ANGPT2: variants seen among roughly 807,000 people sequenced by gnomAD.
ANGPT2 encodes angiopoietin-2.
Under a neutral mutation model 62.9 loss-of-function variants are expected in ANGPT2, and 28 were observed. The observed-to-expected ratio is 0.44, with a 90% CI of 0.33 to 0.61. ANGPT2 has a LOEUF of 0.61. Ranked by LOEUF, ANGPT2 falls within the 20% of genes least tolerant of loss-of-function variation. The pLI is 0.03. For synonymous variants in ANGPT2, 284 were observed against 207.8 expected, an observed-to-expected ratio of 1.37 and a Z score of -3.15; for missense variants, 727 against 594.9, an observed-to-expected ratio of 1.22 and a Z score of -2.31.
intron 1 of ANGPT2, among the ~76,000 whole-genome samples, chr8:6,536,972 GA>G (rs58686747): frequency 0.025 from 2,595 of 102,240 alleles, 61 homozygotes; most frequent in African/African-American, 0.08. Context: ...CTTAGTACAA[GA>G]AAAAAAAAAA....
rs1480832326 is a variant in ANGPT2, at chr8:6,505,391, G to GTA, written c.1328-2132_1328-2131dup. ...TAGAATATATATATTCTTTCTATAT[G>GTA]TATATAGAATATATATATTCTTTAT... is the stretch of plus-strand genomic sequence containing the variant. On this transcript the variant is annotated intron_variant, in intron 8 of 8. Transcript: ENST00000629816. Among the ~76,000 whole-genome samples, 207 of 48,916 alleles carry GTA rather than the reference G, an allele frequency of 4.2e-3. 47 individuals are homozygous for GTA. The highest frequency in any genetic ancestry group is 9.1e-3 in the Non-Finnish European group (199 of 21,910). The allele number at this position is 48,916 out of a possible 152,430, so 32.1% of individuals were successfully genotyped here.
chr8:6,539,917 C>G (rs1225249924), intron 1 of ANGPT2, among the ~76,000 whole-genome samples: 1 of 152,208 alleles, frequency 6.6e-6, no homozygotes, highest in Non-Finnish European at 1.5e-5. Flanking sequence ...CTATCTGATA[C>G]TGTATCTAGA....
At chr8:6,558,843 G>A (rs1825064887) in intron 1 of ANGPT2, among the ~76,000 whole-genome samples, 1 of 151,898 alleles carries the variant, frequency 6.6e-6, no homozygotes, top group South Asian at 2.1e-4. Context: ...TCCATATAGA[G>A]TAAACATGTA....
rs140013412 is a variant in ANGPT2, at chr8:6,499,839, G to C, written c.*3262C>G. On this transcript the variant is annotated 3_prime_UTR_variant, in exon 9 of 9. Coordinates refer to ENST00000629816, the MANE Select transcript of ANGPT2 (RefSeq NM_001118887.2). Reference sequence around the variant, plus strand: ...TAAATGTATAATAAATCTGCTTGTTGTGTCACTTGCAGGTGCTATGGTCTT... The same window carrying C: ...TAAATGTATAATAAATCTGCTTGTTCTGTCACTTGCAGGTGCTATGGTCTT... 4.3e-6 allele frequency: 7 copies of C among 1,611,756 alleles called. No individual in the cohort carries two copies. The African/African-American group carries it at 8.0e-5, about 18-fold the overall frequency.
intron 1 of ANGPT2, 126 bp downstream of exon 1, chr8:6,562,521 C>G (rs1203721464): frequency 4.9e-6 from 4 of 822,868 alleles, no homozygotes; most frequent in Admixed American, 7.1e-5. Flanking sequence ...CAGCAACCCG[C>G]TCTCCAGCTC....
At chr8:6,523,913 T>TA (rs1358167704) in intron 3 of ANGPT2, among the ~76,000 whole-genome samples, 1 of 149,842 alleles carries the variant, frequency 6.7e-6, no homozygotes, top group Non-Finnish European at 1.5e-5. Flanking sequence ...TTTAATAAGA[T>TA]ACAAGAGGAA....
chr8:6,522,485 C>T (rs1190068200), intron 3 of ANGPT2, among the ~76,000 whole-genome samples: 1 of 151,468 alleles, frequency 6.6e-6, no homozygotes, highest in Non-Finnish European at 1.5e-5. Flanking sequence ...AACTTAGGGA[C>T]ATTGAGGGCC....
chr8:6,548,187 G>A (rs191224997), intron 1 of ANGPT2, among the ~76,000 whole-genome samples: 78 of 152,160 alleles, frequency 5.1e-4, no homozygotes, highest in African/African-American at 1.8e-3. Flanking sequence ...GGCTTGAGGC[G>A]GCACGCTTTG....
At chr8:6,507,281 G>A (rs1431001644) in intron 8 of ANGPT2, among the ~76,000 whole-genome samples, 2 of 152,138 alleles carry the variant, frequency 1.3e-5, no homozygotes, top group Non-Finnish European at 2.9e-5. Flanking sequence ...TATAAAACAT[G>A]TTGACCATAG....
intron 1 of ANGPT2, among the ~76,000 whole-genome samples, chr8:6,546,149 G>C (rs1235268733): frequency 6.6e-6 from 1 of 152,238 alleles, no homozygotes; most frequent in African/African-American, 2.4e-5. Context: ...TGCTATGCTA[G>C]TGTGAAAATT....
chr8:6,507,905 C>G (rs1384994823), intron 8 of ANGPT2: 5 of 152,094 alleles, frequency 3.3e-5, no homozygotes, highest in Non-Finnish European at 4.4e-5. Flanking sequence ...TTTTCTAAAA[C>G]TTTATTCCTA....
intron 5 of ANGPT2, among the ~76,000 whole-genome samples, chr8:6,516,295 A>G (rs1816255328): frequency 1.3e-5 from 2 of 152,204 alleles, no homozygotes; most frequent in Non-Finnish European, 1.5e-5. Context: ...TGTGTATATT[A>G]TCTATAATCT....
chr8:6,533,569 CTTTTTTTTTT>C (rs56882906), intron 1 of ANGPT2, among the ~76,000 whole-genome samples: 22 of 113,346 alleles, frequency 1.9e-4, no homozygotes, highest in East Asian at 8.2e-4. Context: ...CGTTTAGTTT[CTTTTTTTTTT>C]TTTTTTTTTT....
intron 3 of ANGPT2, among the ~76,000 whole-genome samples, chr8:6,524,329 A>G (rs751797565): frequency 6.6e-6 from 1 of 152,238 alleles, no homozygotes; most frequent in Non-Finnish European, 1.5e-5. Flanking sequence ...GTCACATTAG[A>G]AGCTGGTGAA....
At chr8:6,536,444 G>A (rs2442600) in intron 1 of ANGPT2, among the ~76,000 whole-genome samples, 54,354 of 151,866 alleles carry the variant, frequency 0.36, 10,045 homozygotes, top group Non-Finnish European at 0.4. Flanking sequence ...GCTTGAGTAT[G>A]CCTTCCAATT....
intron 1 of ANGPT2, among the ~76,000 whole-genome samples, chr8:6,538,055 C>T (rs1294988289): frequency 6.6e-6 from 1 of 152,072 alleles, no homozygotes; most frequent in Non-Finnish European, 1.5e-5. Context: ...TTACTGTTGC[C>T]CATTTCAATT....
Position 6,536,972 on chromosome 8 carries a change from G to GAAAA in ANGPT2, c.289-4489_289-4486dup, listed in dbSNP as rs58686747. Among the ~76,000 whole-genome samples, 12 of 102,278 alleles carry GAAAA rather than the reference G, an allele frequency of 1.2e-4. No individual in the cohort carries two copies. In the East Asian group the frequency reaches 3.7e-3, roughly 32 times the overall value. The allele number at this position is 102,278 out of a possible 152,430, so 67.1% of individuals were successfully genotyped here. On this transcript the variant is annotated intron_variant, in intron 1 of 8. Coordinates refer to ENST00000629816, the MANE Select transcript of ANGPT2 (RefSeq NM_001118887.2). ...TAAGTATAAGGAAGTCTTAGTACAA[G>GAAAA]AAAAAAAAAAAAAAAAAACCAACCC...
intron 1 of ANGPT2, among the ~76,000 whole-genome samples, chr8:6,550,494 AG>A (rs1427897038): frequency 1.3e-5 from 2 of 152,186 alleles, no homozygotes; most frequent in African/African-American, 2.4e-5. Flanking sequence ...AGCGGAAACA[AG>A]GGTATGTGCC....
chr8:6,502,338 T>C lies in ANGPT2; in HGVS notation c.*763A>G. The C allele has an allele frequency of 6.6e-6, 1 of 152,324 alleles. No homozygotes were observed. Among genetic ancestry groups the C allele is most frequent in the Non-Finnish European group, 1.5e-5 (1 of 68,014 alleles). The allele number at this position is 152,324 out of a possible 1,614,324, so 9.4% of individuals were successfully genotyped here. A position where few individuals can be genotyped will look rare whatever the true frequency, so the allele number is the denominator to read the frequency against. On this transcript the variant is annotated 3_prime_UTR_variant, in exon 9 of 9. Coordinates refer to ENST00000629816, the MANE Select transcript of ANGPT2 (RefSeq NM_001118887.2). ...TTTAATTACTAAAAATACCTTCATATTTAACAATCAGGCAGAAAAAAATAG... is the reference window on the plus strand; with the variant it reads ...TTTAATTACTAAAAATACCTTCATACTTAACAATCAGGCAGAAAAAAATAG...
Sources: gnomAD v4.1 joint callset for allele counts (sites outside exome capture counted in the v4.1 genomes callset) on GRCh38, gnomAD v4.1.1 for gene constraint, MANE v1.5 for transcripts, NCBI Gene and HGNC (gene_info 2026-07-23, HGNC 2026-07-21) for gene names.